Variants in TNIK observed in about 807,000 individuals in gnomAD.
TNIK encodes TRAF2 and NCK interacting kinase, also known as TRAF2 and NCK-interacting protein kinase.
In TNIK, 49 loss-of-function variants were observed where a neutral mutation model predicts 191.3. The observed-to-expected ratio is 0.26, with a 90% confidence interval of 0.20 to 0.32. TNIK has a LOEUF of 0.32. Among genes scored for constraint, TNIK ranks in the 10% least tolerant of loss-of-function variants. The pLI is 1.00. For missense variants in TNIK, 1,155 were observed against 1,702.3 expected, an observed-to-expected ratio of 0.68 and a Z score of 5.66; for synonymous variants, 594 against 600.9, an observed-to-expected ratio of 0.99 and a Z score of 0.17.
At chr3:171,201,338 G>T (rs1739379379) in intron 4 of TNIK, among the ~76,000 whole-genome samples, 1 of 152,156 alleles carries the variant, frequency 6.6e-6, no homozygotes, top group South Asian at 2.1e-4. Flanking sequence ...TGCGAAGGTT[G>T]TGGTGAGCCG....
intron 1 of TNIK, among the ~76,000 whole-genome samples, chr3:171,376,943 G>A (rs1717346190): frequency 6.6e-6 from 1 of 152,198 alleles, no homozygotes; most frequent in Non-Finnish European, 1.5e-5. Context: ...CCTTACTAGA[G>A]TTCTTTCACC....
chr3:171,430,071 G>A (rs896717624), intron 1 of TNIK, among the ~76,000 whole-genome samples: 1 of 152,080 alleles, frequency 6.6e-6, no homozygotes, highest in Non-Finnish European at 1.5e-5. Context: ...AGCTCCCCAG[G>A]TAAGGCTATG....
chr3:171,343,384 T>C (rs1711619909), intron 2 of TNIK, among the ~76,000 whole-genome samples: 1 of 152,232 alleles, frequency 6.6e-6, no homozygotes, highest in Non-Finnish European at 1.5e-5. Context: ...ATCTTACTTA[T>C]AATTCCAAAA....
At chr3:171,097,051 T>C (rs1371450570) in intron 22 of TNIK, among the ~76,000 whole-genome samples, 1 of 152,162 alleles carries the variant, frequency 6.6e-6, no homozygotes, top group Non-Finnish European at 1.5e-5. Context: ...GTGGTTATCA[T>C]AGAATAACAA....
At chr3:171,267,826 G>A (rs746838669) in intron 2 of TNIK, among the ~76,000 whole-genome samples, 3 of 152,168 alleles carry the variant, frequency 2.0e-5, no homozygotes, top group Non-Finnish European at 4.4e-5. Flanking sequence ...TGTGAAACTC[G>A]TTCATTTATT....
At chr3:171,231,543 T>A (rs769778215) in intron 2 of TNIK, among the ~76,000 whole-genome samples, 2 of 152,084 alleles carry the variant, frequency 1.3e-5, no homozygotes, top group Non-Finnish European at 2.9e-5. Flanking sequence ...GGCAAAGGTA[T>A]CCCCACGCGC....
intron 32 of TNIK, 26 bp downstream of exon 32, chr3:171,066,161 T>C: frequency 6.2e-7 from 1 of 1,610,700 alleles, no homozygotes; most frequent in Non-Finnish European, 8.5e-7. Context: ...ATGCAAACAC[T>C]AATGCAAATG....
chr3:171,136,169 G>A (rs1729952927), intron 15 of TNIK, among the ~76,000 whole-genome samples: 1 of 152,208 alleles, frequency 6.6e-6, no homozygotes, highest in Admixed American at 6.5e-5. Context: ...TTTCCAATGG[G>A]ATCTGTAGGT....
intron 1 of TNIK, among the ~76,000 whole-genome samples, chr3:171,441,668 T>TA (rs1726821142): frequency 6.6e-6 from 1 of 152,220 alleles, no homozygotes. Flanking sequence ...CTTGGGTACA[T>TA]ACGCAGAAGT....
At chr3:171,336,159 C>T (rs1005878718) in intron 2 of TNIK, among the ~76,000 whole-genome samples, 2 of 152,028 alleles carry the variant, frequency 1.3e-5, no homozygotes, top group Non-Finnish European at 2.9e-5. Context: ...GACTGATATC[C>T]GTTAATAACC....
At chr3:171,338,239 G>C (rs1757159576) in intron 2 of TNIK, among the ~76,000 whole-genome samples, 1 of 152,054 alleles carries the variant, frequency 6.6e-6, no homozygotes, top group African/African-American at 2.4e-5. Context: ...AACTGGAGAA[G>C]CCCTCATTTC....
At chr3:171,333,167 AGTGT>A (rs752280366) in intron 2 of TNIK, among the ~76,000 whole-genome samples, 3 of 151,420 alleles carry the variant, frequency 2.0e-5, no homozygotes, top group East Asian at 1.9e-4. Flanking sequence ...GGTGGGAGGG[AGTGT>A]GTGTGTGTGT....
At chr3:171,254,950 G>A (rs916360965) in intron 2 of TNIK, among the ~76,000 whole-genome samples, 3 of 152,200 alleles carry the variant, frequency 2.0e-5, no homozygotes, top group Non-Finnish European at 4.4e-5. Context: ...GTTCTGAGAA[G>A]TAAAATAAAA....
rs150078170 is a variant in TNIK, at chr3:171,371,738, T to C, written c.58-2053A>G. On this transcript the variant is annotated intron_variant, in intron 1 of 32. Transcript: ENST00000436636. ...ACTACTAGGCCATTAGAGCAGCAGG[T>C]TTTATTACAAATGGAATTAGAAAGA... Among the ~76,000 whole-genome samples the C allele has an allele frequency of 2.0e-4, 31 of 152,154 alleles. No individual in the cohort carries two copies. In the East Asian group the frequency reaches 5.4e-3, roughly 27 times the overall value.
At chr3:171,204,801 T>C (rs1739858372) in intron 4 of TNIK, among the ~76,000 whole-genome samples, 1 of 152,214 alleles carries the variant, frequency 6.6e-6, no homozygotes, top group Non-Finnish European at 1.5e-5. Context: ...CAGCTTCTGA[T>C]ATCAGAACTA....
intron 7 of TNIK, among the ~76,000 whole-genome samples, chr3:171,187,457 T>A (rs1737502407): frequency 6.6e-6 from 1 of 152,132 alleles, no homozygotes; most frequent in Admixed American, 6.5e-5. Context: ...AAGAGGCAAA[T>A]TTTCTGTCAA....
At chr3:171,410,047 A>G (rs773645228) in intron 1 of TNIK, among the ~76,000 whole-genome samples, 4 of 152,148 alleles carry the variant, frequency 2.6e-5, no homozygotes, top group Non-Finnish European at 5.9e-5. Flanking sequence ...AAAAATTAGA[A>G]TTCAGAAGAG....
At chr3:171,389,013 T>G (rs184906789) in intron 1 of TNIK, among the ~76,000 whole-genome samples, 129 of 152,352 alleles carry the variant, frequency 8.5e-4, no homozygotes, top group Non-Finnish European at 1.5e-3. Flanking sequence ...TACTATGTGC[T>G]AAGCACTTAC....
intron 1 of TNIK, among the ~76,000 whole-genome samples, chr3:171,417,789 A>G (rs561849270): frequency 6.6e-6 from 1 of 152,264 alleles, no homozygotes; most frequent in Non-Finnish European, 1.5e-5. Context: ...ACCCCTTCCT[A>G]TAATCAAAGG....
Sources: gnomAD v4.1 joint callset for allele counts (sites outside exome capture counted in the v4.1 genomes callset) on GRCh38, gnomAD v4.1.1 for gene constraint, MANE v1.5 for transcripts, NCBI Gene and HGNC (gene_info 2026-07-23, HGNC 2026-07-21) for gene names.